Variants in BCKDHB observed in about 807,000 individuals in gnomAD.
BCKDHB encodes 2-oxoisovalerate dehydrogenase subunit beta, mitochondrial.
Under a neutral mutation model 48.5 loss-of-function variants are expected in BCKDHB, and 41 were observed. The observed-to-expected ratio is 0.85, with a 90% CI of 0.66 to 1.10. The LOEUF (loss-of-function observed/expected upper bound fraction) is 1.10. Ranked by LOEUF, BCKDHB falls within the 50% of genes least tolerant of loss-of-function variation. The pLI is 0.00. For synonymous variants in BCKDHB, 201 were observed against 174.8 expected (o/e 1.15, Z -1.18); for missense variants, 496 against 494.2 (o/e 1.00, Z -0.03).
chr6:80,179,653 G>GTCATCCCTATA (rs1393123731), intron 6 of BCKDHB, among the ~76,000 whole-genome samples: 1 of 152,026 alleles, frequency 6.6e-6, no homozygotes, highest in Non-Finnish European at 1.5e-5. Context: ...ATGACTTAAG[G>GTCATCCCTATA]TAGTACATCC....
intron 1 of BCKDHB, among the ~76,000 whole-genome samples, chr6:80,108,736 T>A (rs1008860932): frequency 6.6e-6 from 1 of 152,038 alleles, no homozygotes; most frequent in Non-Finnish European, 1.5e-5. Flanking sequence ...AGCGCATGCC[T>A]GTAGTCCCAG....
chr6:80,176,466 A>C (rs1007285302), intron 6 of BCKDHB, among the ~76,000 whole-genome samples: 2 of 152,132 alleles, frequency 1.3e-5, no homozygotes, highest in East Asian at 1.9e-4. Context: ...CCATGGGGGC[A>C]CTGAGGACAG....
At chr6:80,107,654 G>A (rs1353604912) in intron 1 of BCKDHB, among the ~76,000 whole-genome samples, 1 of 146,888 alleles carries the variant, frequency 6.8e-6, no homozygotes, top group Non-Finnish European at 1.5e-5. Context: ...CACAGAACAG[G>A]TCCTTCCTAG....
chr6:80,296,270 A>G (rs556715495), intron 9 of BCKDHB, among the ~76,000 whole-genome samples: 1 of 152,344 alleles, frequency 6.6e-6, no homozygotes, highest in African/African-American at 2.4e-5. Context: ...AAACAAGACA[A>G]CAATTGTCTG....
the BCKDHB span, among the ~76,000 whole-genome samples, chr6:80,372,668 G>C: frequency 6.6e-6 from 1 of 151,886 alleles, no homozygotes; most frequent in Non-Finnish European, 1.5e-5. Flanking sequence ...AGGGATGCTG[G>C]ATTTTGTCAA....
intron 1 of BCKDHB, among the ~76,000 whole-genome samples, chr6:80,113,881 C>T (rs1249739576): frequency 6.6e-6 from 1 of 152,110 alleles, no homozygotes; most frequent in African/African-American, 2.4e-5. Context: ...AAATTTACAC[C>T]CTATGCAAAT....
chr6:80,128,329 C>G (rs973719558), intron 2 of BCKDHB, among the ~76,000 whole-genome samples: 8 of 152,036 alleles, frequency 5.3e-5, no homozygotes, highest in African/African-American at 1.9e-4. Flanking sequence ...ATGATTAGAT[C>G]TTGATTTGTT....
chr6:80,171,173 C>T (rs546286010), intron 5 of BCKDHB, 109 bp from the exon 6 acceptor site: 2 of 657,960 alleles, frequency 3.0e-6, no homozygotes, highest in Admixed American at 2.6e-5. Flanking sequence ...TAGCCAATAT[C>T]TATTTTTAAT....
the BCKDHB span, among the ~76,000 whole-genome samples, chr6:80,419,747 C>T: frequency 1.3e-5 from 2 of 152,192 alleles, no homozygotes; most frequent in South Asian, 4.1e-4. Flanking sequence ...CACCTCTTCC[C>T]CCAGAGCCAC....
intron 9 of BCKDHB, among the ~76,000 whole-genome samples, chr6:80,273,619 A>T (rs1200091115): frequency 1.3e-5 from 2 of 152,096 alleles, no homozygotes; most frequent in Non-Finnish European, 2.9e-5. Context: ...TGTGGAATTG[A>T]TCTTAGATTT....
At chr6:80,173,250 T>G (rs1425524505) in intron 6 of BCKDHB, among the ~76,000 whole-genome samples, 1 of 152,108 alleles carries the variant, frequency 6.6e-6, no homozygotes. Flanking sequence ...CTGATGAGGT[T>G]CAGTATTCAA....
At chr6:80,261,580 A>G (rs772136951) in intron 8 of BCKDHB, among the ~76,000 whole-genome samples, 2 of 152,106 alleles carry the variant, frequency 1.3e-5, no homozygotes, top group South Asian at 2.1e-4. Flanking sequence ...GTAGGGGAAG[A>G]TACCACGAGA....
chr6:80,287,720 G>GT (rs1439456128), intron 9 of BCKDHB, among the ~76,000 whole-genome samples: 1 of 152,128 alleles, frequency 6.6e-6, no homozygotes, highest in East Asian at 1.9e-4. Context: ...TTCCCTGTTT[G>GT]TATAAGGTGG....
At chr6:80,431,014 G>A in the BCKDHB span, among the ~76,000 whole-genome samples, 10 of 152,098 alleles carry the variant, frequency 6.6e-5, no homozygotes, top group Non-Finnish European at 1.0e-4. Context: ...ATTCTGGTCC[G>A]TTGTGTCTTT....
At chr6:80,291,641 A>T (rs1050442748) in intron 9 of BCKDHB, among the ~76,000 whole-genome samples, 1 of 152,242 alleles carries the variant, frequency 6.6e-6, no homozygotes, top group African/African-American at 2.4e-5. Flanking sequence ...TAATTTCTAC[A>T]TTATCCATCC....
At chr6:80,414,573 G>T in the BCKDHB span, among the ~76,000 whole-genome samples, 1 of 151,956 alleles carries the variant, frequency 6.6e-6, no homozygotes, top group Non-Finnish European at 1.5e-5. Flanking sequence ...TAGTTGTAAG[G>T]GTGCAGCCAT....
the BCKDHB span, among the ~76,000 whole-genome samples, chr6:80,414,103 T>A: frequency 2.0e-5 from 3 of 152,186 alleles, no homozygotes; most frequent in African/African-American, 7.2e-5. Flanking sequence ...GTCTTTTTTT[T>A]TAAAAGTGTC....
the BCKDHB span, among the ~76,000 whole-genome samples, chr6:80,457,198 A>G: frequency 6.6e-6 from 1 of 152,238 alleles, no homozygotes; most frequent in South Asian, 2.1e-4. Flanking sequence ...ACTTGCAACT[A>G]GAACTACTGA....
At chr6:80,412,595 A>C in the BCKDHB span, among the ~76,000 whole-genome samples, 1 of 152,182 alleles carries the variant, frequency 6.6e-6, no homozygotes, top group Non-Finnish European at 1.5e-5. Flanking sequence ...GAATTTGACT[A>C]TATACTTACC....
Sources: allele counts gnomAD v4.1 joint callset (sites outside exome capture counted in the v4.1 genomes callset), GRCh38; gene constraint gnomAD v4.1.1; transcripts MANE v1.5; gene names NCBI Gene and HGNC (gene_info 2026-07-23, HGNC 2026-07-21).